KIF5A: variants seen among roughly 807,000 people sequenced by gnomAD.
The protein encoded by KIF5A is kinesin family member 5A.
In KIF5A, 35 loss-of-function variants were observed where a neutral mutation model predicts 141.3. The ratio of observed to expected loss-of-function variants is 0.25; its 90% CI spans 0.19 to 0.33. KIF5A has a LOEUF of 0.33. Among genes scored for constraint, KIF5A ranks in the 10% least tolerant of loss-of-function variants. The pLI is 1.00. For synonymous variants in KIF5A, 448 were observed against 500.2 expected (o/e 0.90, Z 1.39); for missense variants, 861 against 1,314.3 (o/e 0.66, Z 5.33).
intron 6 of KIF5A, among the ~76,000 whole-genome samples, chr12:57,566,597 A>G (rs1247190744): frequency 1.3e-5 from 2 of 151,368 alleles, no homozygotes; most frequent in Non-Finnish European, 2.9e-5. Context: ...TTTAGTGGAG[A>G]TGGGATTTTG....
At chr12:57,556,106 G>A (rs1354913217) in intron 1 of KIF5A, among the ~76,000 whole-genome samples, 1 of 151,346 alleles carries the variant, frequency 6.6e-6, no homozygotes, top group Non-Finnish European at 1.5e-5. Flanking sequence ...CCCTGCTCAG[G>A]AGATTACTAA....
Position 57,571,514 on chromosome 12 carries a change from T to C in KIF5A, c.1362+125T>C, listed in dbSNP as rs116317869. 3,854 of 881,612 alleles carry C rather than the reference T, an allele frequency of 4.4e-3. 108 individuals are homozygous for C. In the East Asian group the frequency reaches 0.057, roughly 13 times the overall value. 54.6% of individuals were successfully genotyped at this position (881,612 alleles called of 1,614,324 possible). A position where few individuals can be genotyped will look rare whatever the true frequency, so the allele number is the denominator to read the frequency against. ...TCTGCTTGGGGATTAATCACTCCCC[T>C]AAACAGCAGAAGTCTGGGAACCTCA... On this transcript the variant is annotated intron_variant, in intron 13 of 28. Coordinates refer to ENST00000455537, the MANE Select transcript of KIF5A (RefSeq NM_004984.4).
At chr12:57,575,404 C>T in intron 16 of KIF5A, 132 bp downstream of exon 16, 1 of 1,146,782 alleles carries the variant, frequency 8.7e-7, no homozygotes, top group South Asian at 1.3e-5. Flanking sequence ...GACAGAAAAG[C>T]TGGGGTGGCA....
At position 57,572,018 on chromosome 12, in the gene KIF5A, A is replaced by T. The variant is rs1882269987; in HGVS notation, c.1363-43A>T. 6.5e-7 allele frequency: 1 copy of T among 1,549,948 alleles called. No homozygotes were observed. The highest frequency in any genetic ancestry group is 1.1e-5 in the South Asian group (1 of 88,164). On this transcript the variant is annotated intron_variant, in intron 13 of 28. Transcript: ENST00000455537. This position sits in a 1 kb window ranked among gnomAD's most constrained non-coding sequence, Gnocchi z 4.2. Reference sequence around the variant, plus strand: ...CAGACCCAAGGCCATAGAAATGGTCACTGGCAGTGATCTTTCCCACATGCC... The same window carrying T: ...CAGACCCAAGGCCATAGAAATGGTCTCTGGCAGTGATCTTTCCCACATGCC...
At chr12:57,571,977 TG>T in intron 13 of KIF5A, 83 bp from the exon 14 acceptor site, 1 of 1,124,810 alleles carries the variant, frequency 8.9e-7, no homozygotes, top group South Asian at 1.3e-5. Flanking sequence ...TTGGGTAGGG[TG>T]GGGGCTCAGC....
intron 15 of KIF5A, among the ~76,000 whole-genome samples, chr12:57,573,756 A>T (rs1174550184): frequency 6.8e-6 from 1 of 146,852 alleles, no homozygotes; most frequent in Admixed American, 7.0e-5. Context: ...TTGAACCTGG[A>T]GGCGGAGGTT....
At chr12:57,573,996 T>C (rs1360302370) in intron 15 of KIF5A, among the ~76,000 whole-genome samples, 1 of 146,458 alleles carries the variant, frequency 6.8e-6, no homozygotes, top group Non-Finnish European at 1.5e-5. Context: ...GGCAGGAGAA[T>C]GGCGTGAACC....
At chr12:57,552,915 T>G (rs1417937768) in intron 1 of KIF5A, among the ~76,000 whole-genome samples, 1 of 152,044 alleles carries the variant, frequency 6.6e-6, no homozygotes, top group African/African-American at 2.4e-5. Context: ...TGGGCTTTGT[T>G]CTGCTTGTTA....
rs766136104 is a variant in KIF5A at position 57,583,229 on chromosome 12, G to A, written c.*36+14G>A. 3 of 1,516,754 alleles carry A rather than the reference G, an allele frequency of 2.0e-6. No homozygotes were observed. In the East Asian group the frequency reaches 7.0e-5, roughly 35 times the overall value. The allele number at this position is 1,516,754 out of a possible 1,614,324, so 94.0% of individuals were successfully genotyped here. A position where few individuals can be genotyped will look rare whatever the true frequency, so the allele number is the denominator to read the frequency against. ...CTGCACTTTCAGGTAGCGTCAGGCT[G>A]CTTCCTCGGACCAGCCTCAGGTTGC... On this transcript the variant is annotated intron_variant, in intron 28 of 28. Coordinates refer to ENST00000455537, the MANE Select transcript of KIF5A (RefSeq NM_004984.4).
Position 57,576,346 on chromosome 12 carries a change from C to A in KIF5A, c.2166C>A (p.Asn722Lys). 6.2e-7 allele frequency: 1 copy of A among 1,613,942 alleles called. No homozygotes were observed. The highest frequency in any genetic ancestry group is 8.5e-7 in the Non-Finnish European group (1 of 1,179,876). ...RQLARLRDEI[N>K]EKQKTIDELK... ...TGGCCCGGCTCCGGGACGAGATCAA[C>A]GAGAAGCAGAAGACCATTGATGAGC... The change falls in exon 19 of 29, where the codon AAC becomes AAA. Residue 722 changes from asparagine to lysine, a missense_variant. Asn to Lys is a moderately conservative substitution (Grantham distance 94). Coordinates refer to ENST00000455537, the MANE Select transcript of KIF5A (RefSeq NM_004984.4).
chr12:57,575,105 A>G lies in KIF5A; in HGVS notation c.1738A>G (p.Ile580Val). The change falls in exon 16 of 29, where the codon ATC (isoleucine) becomes GTC (valine). Residue 580 changes from isoleucine to valine, a missense_variant. By Grantham distance (29) the Ile-to-Val change is conservative. Transcript: ENST00000455537. The stretch of plus-strand genomic sequence containing the variant: ...TTAGCCAGTGGAGATCAGTGGGGCC[A>G]TCGAGGAGGAGTTCACTGTGGCCCG... ...IKLPVEISGA[I>V]EEEFTVARLY... 1 of 1,614,092 alleles carries G rather than the reference A, an allele frequency of 6.2e-7. No homozygotes were observed. Among genetic ancestry groups the G allele is most frequent in the Non-Finnish European group, 8.5e-7 (1 of 1,179,980 alleles).
At chr12:57,569,908 G>T in intron 11 of KIF5A, 79 bp from the exon 12 acceptor site, 1 of 1,517,732 alleles carries the variant, frequency 6.6e-7, no homozygotes. Context: ...AGTTCAAGGG[G>T]CATGGTGAGT....
At chr12:57,564,840 C>T in intron 5 of KIF5A, 78 bp from the exon 6 acceptor site, 1 of 1,355,168 alleles carries the variant, frequency 7.4e-7, no homozygotes, top group Non-Finnish European at 1.1e-6. Context: ...AAGAAAACCA[C>T]CATCTGAGCT....
intron 5 of KIF5A, 76 bp downstream of exon 5, chr12:57,564,584 AG>A: frequency 1.7e-6 from 2 of 1,187,310 alleles, no homozygotes; most frequent in Non-Finnish European, 1.3e-6. Context: ...ATTTGGAATT[AG>A]GTACCAATTG....
In KIF5A at chr12:57,550,323, C is replaced by T. The variant is rs770302674; in HGVS notation, c.52C>T (p.Pro18Ser). The T allele has an allele frequency of 2.5e-6, 4 of 1,614,082 alleles. No homozygotes were observed. Among genetic ancestry groups the T allele is most frequent in the Non-Finnish European group, 3.4e-6 (4 of 1,180,014 alleles). The change falls in exon 1 of 29, where the codon CCC becomes TCC. Residue 18 changes from proline to serine, a missense_variant. Physicochemically the swap from Pro to Ser is moderately conservative, Grantham distance 74. Coordinates refer to ENST00000455537, the MANE Select transcript of KIF5A (RefSeq NM_004984.4). The surrounding 1 kb of genome is among the most constrained non-coding windows in gnomAD (Gnocchi z 4.6). Reference sequence around the variant, plus strand: ...CATCAAGGTGCTCTGCCGATTCCGGCCCCTGAACCAGGCTGAGATTCTGCG... The same window carrying T: ...CATCAAGGTGCTCTGCCGATTCCGGTCCCTGAACCAGGCTGAGATTCTGCG... ...CSIKVLCRFRPLNQAEILRGD... is the reference protein window; with the variant it reads ...CSIKVLCRFRSLNQAEILRGD...
In KIF5A at chr12:57,577,773, T is replaced by G; in HGVS notation, c.2361T>G (p.Val787=). Residue 787 remains valine, a splice_region_variant and synonymous_variant, in exon 21 of 29, where the codon GTT becomes GTG. Transcript: ENST00000455537. ...ACCTCAAGGGTCTGGAGGAGACAGT[T>G]GTGAGTGGTTCCCTTCTGTGCCAAA... ...KQDLKGLEET[V]ARELQTLHNL... is the part of the protein sequence containing the mutation. 1 of 1,612,646 alleles carries G rather than the reference T, an allele frequency of 6.2e-7. No individual in the cohort carries two copies. Among genetic ancestry groups the G allele is most frequent in the East Asian group, 2.2e-5 (1 of 44,870 alleles).
At position 57,578,274 on chromosome 12, in the gene KIF5A, C is replaced by T. The variant is rs373328181; in HGVS notation, c.2470C>T (p.His824Tyr). Residue 824 changes from histidine to tyrosine, a missense_variant, in exon 23 of 29, where the codon CAC becomes TAC. By Grantham distance (83) the His-to-Tyr change is moderately conservative (BLOSUM62 2). This residue lies in a region of KIF5A where 482 missense variants were observed against 661.3 expected (regional missense o/e 0.73). Coordinates refer to ENST00000455537, the MANE Select transcript of KIF5A (RefSeq NM_004984.4). ...GGAGCCCGAAGACAGTGGGGGGATT[C>T]ACTCCCAAAAGCAGAAGATTTCCTT... The part of the protein sequence containing the change: ...EMEPEDSGGI[H>Y]SQKQKISFLE... 1 of 1,614,070 alleles carries T rather than the reference C, an allele frequency of 6.2e-7. No homozygotes were observed. The highest frequency in any genetic ancestry group is 1.6e-4 in the Middle Eastern group (1 of 6,062).
At chr12:57,583,874 C>T (rs927832265) in intron 28 of KIF5A, among the ~76,000 whole-genome samples, 7 of 152,296 alleles carry the variant, frequency 4.6e-5, no homozygotes, top group African/African-American at 1.7e-4. Flanking sequence ...GGGTTTCTCA[C>T]CAAGGTTGCT....
At chr12:57,553,066 C>T (rs974547042) in intron 1 of KIF5A, among the ~76,000 whole-genome samples, 5 of 152,006 alleles carry the variant, frequency 3.3e-5, no homozygotes, top group Non-Finnish European at 5.9e-5. Flanking sequence ...TCTGGGTCAC[C>T]GTCTGTGTGT....
Sources: allele counts gnomAD v4.1 joint callset (sites outside exome capture counted in the v4.1 genomes callset), GRCh38; gene constraint gnomAD v4.1.1; regional missense constraint gnomAD v4.1.1; non-coding constraint Gnocchi (gnomAD v3.1); transcripts MANE v1.5; gene names NCBI Gene and HGNC (gene_info 2026-07-23, HGNC 2026-07-21).